CACNB4: variants seen among roughly 807,000 people sequenced by gnomAD.
CACNB4 encodes the protein voltage-dependent L-type calcium channel subunit beta-4.
In CACNB4, 32 loss-of-function variants were observed where a neutral mutation model predicts 71.2. The observed-to-expected ratio is 0.45, with a 90% CI of 0.34 to 0.60. CACNB4 has a LOEUF of 0.60. Ranked by LOEUF, CACNB4 falls within the 20% of genes least tolerant of loss-of-function variation. CACNB4 has a pLI of 0.01. For synonymous variants in CACNB4, 231 were observed against 236.9 expected (o/e 0.97, Z 0.23); for missense variants, 464 against 647.9 (o/e 0.72, Z 3.08).
chr2:152,076,478 C>T (rs1687033272), intron 2 of CACNB4, among the ~76,000 whole-genome samples: 1 of 151,880 alleles, frequency 6.6e-6, no homozygotes, highest in Non-Finnish European at 1.5e-5. Context: ...CATTTTTGTC[C>T]ATGCAAGAAG....
chr2:152,096,099 G>A (rs916644483), intron 2 of CACNB4, among the ~76,000 whole-genome samples: 1 of 152,140 alleles, frequency 6.6e-6, no homozygotes, highest in Non-Finnish European at 1.5e-5. Context: ...AAATCCCTCA[G>A]TTATTTTTAT....
intron 2 of CACNB4, among the ~76,000 whole-genome samples, chr2:151,902,457 A>G (rs554820803): frequency 2.0e-5 from 3 of 152,330 alleles, no homozygotes; most frequent in Admixed American, 6.5e-5. Flanking sequence ...TCCTCAAAAC[A>G]TGGAAGGCTG....
At position 151,855,427 on chromosome 2, in the gene CACNB4, T is replaced by C. The variant is rs947738628; in HGVS notation, c.869-52A>G. 1.4e-5 allele frequency: 19 copies of C among 1,345,148 alleles called. No individual in the cohort carries two copies. The Admixed American group carries it at 3.1e-4, about 22-fold the overall frequency. The allele number at this position is 1,345,148 out of a possible 1,614,324, so 83.3% of individuals were successfully genotyped here. A position where few individuals can be genotyped will look rare whatever the true frequency, so the allele number is the denominator to read the frequency against. On this transcript the variant is annotated intron_variant, in intron 10 of 13. Coordinates refer to ENST00000539935, the MANE Select transcript of CACNB4 (RefSeq NM_000726.5). ...CCGGTTATTGTTATGAATTAGTTCTTACATTAGAAAGATATAGTATATTTT... is the reference window on the plus strand; with the variant it reads ...CCGGTTATTGTTATGAATTAGTTCTCACATTAGAAAGATATAGTATATTTT...
chr2:152,040,183 G>C (rs960594501), intron 2 of CACNB4, among the ~76,000 whole-genome samples: 16 of 152,066 alleles, frequency 1.1e-4, no homozygotes, highest in Non-Finnish European at 1.5e-5. Context: ...CCATATACTA[G>C]TTAAAAAGTA....
chr2:151,890,505 C>T (rs1215876547), intron 2 of CACNB4, among the ~76,000 whole-genome samples: 1 of 152,186 alleles, frequency 6.6e-6, no homozygotes, highest in Non-Finnish European at 1.5e-5. Flanking sequence ...CAAGAACATC[C>T]TCACACACCA....
At chr2:151,942,542 T>G (rs2099864522) in intron 2 of CACNB4, among the ~76,000 whole-genome samples, 1 of 148,934 alleles carries the variant, frequency 6.7e-6, no homozygotes, top group Admixed American at 6.6e-5. Flanking sequence ...AAGACAACCA[T>G]AAGGTCTGAC....
chr2:151,896,448 C>CAGA (rs2099852088), intron 2 of CACNB4, among the ~76,000 whole-genome samples: 1 of 152,186 alleles, frequency 6.6e-6, no homozygotes, highest in African/African-American at 2.4e-5. Context: ...GCTTCCTCCA[C>CAGA]AGAAGAAGCT....
intron 2 of CACNB4, among the ~76,000 whole-genome samples, chr2:151,910,222 G>A (rs1287983680): frequency 6.6e-6 from 1 of 151,904 alleles, no homozygotes; most frequent in African/African-American, 2.4e-5. Context: ...ACTTTTTCGT[G>A]GGGTTTTTCT....
At chr2:151,995,422 A>C (rs1029187467) in intron 2 of CACNB4, among the ~76,000 whole-genome samples, 1 of 152,262 alleles carries the variant, frequency 6.6e-6, no homozygotes, top group Admixed American at 6.5e-5. Flanking sequence ...AATAGGCATT[A>C]GCCAAAAAAA....
At chr2:151,845,744 G>A (rs2099837403) in intron 12 of CACNB4, among the ~76,000 whole-genome samples, 1 of 152,176 alleles carries the variant, frequency 6.6e-6, no homozygotes, top group African/African-American at 2.4e-5. Context: ...TGTTTTCAAA[G>A]CATGGCCACA....
chr2:152,075,052 C>T (rs931580254), intron 2 of CACNB4, among the ~76,000 whole-genome samples: 4 of 152,176 alleles, frequency 2.6e-5, no homozygotes, highest in Non-Finnish European at 5.9e-5. Flanking sequence ...ATATTATGGC[C>T]ACCACCCTGC....
At chr2:152,037,368 T>C (rs1264453427) in intron 2 of CACNB4, among the ~76,000 whole-genome samples, 1 of 152,230 alleles carries the variant, frequency 6.6e-6, no homozygotes, top group East Asian at 1.9e-4. Flanking sequence ...AACTGAGTGA[T>C]TGCAAGAATA....
At chr2:152,056,456 C>T (rs1188601518) in intron 2 of CACNB4, among the ~76,000 whole-genome samples, 1 of 152,142 alleles carries the variant, frequency 6.6e-6, no homozygotes, top group Non-Finnish European at 1.5e-5. Flanking sequence ...ATGTTTCACA[C>T]ACTCAAGCCT....
chr2:152,062,985 TCAG>T (rs1417109885), intron 2 of CACNB4, among the ~76,000 whole-genome samples: 4 of 152,182 alleles, frequency 2.6e-5, no homozygotes, highest in African/African-American at 9.7e-5. Context: ...CAGAGGAGGA[TCAG>T]CAGATGAGTC....
intron 2 of CACNB4, among the ~76,000 whole-genome samples, chr2:151,932,848 G>A (rs1044194310): frequency 6.7e-6 from 1 of 150,274 alleles, no homozygotes; most frequent in African/African-American, 2.5e-5. Flanking sequence ...AAAAAAAGGT[G>A]GGGGGTTGGG....
At chr2:152,030,020 A>T (rs1453219316) in intron 2 of CACNB4, among the ~76,000 whole-genome samples, 1 of 152,246 alleles carries the variant, frequency 6.6e-6, no homozygotes, top group Non-Finnish European at 1.5e-5. Context: ...CAAATTACAC[A>T]AACAGGTGCA....
chr2:152,014,108 C>T (rs956528271), intron 2 of CACNB4, among the ~76,000 whole-genome samples: 3 of 152,126 alleles, frequency 2.0e-5, no homozygotes, highest in Admixed American at 6.6e-5. Context: ...TTTGGGAGAC[C>T]GAGGCAGGAG....
chr2:151,958,683 G>A (rs1441074003), intron 2 of CACNB4, among the ~76,000 whole-genome samples: 1 of 152,056 alleles, frequency 6.6e-6, no homozygotes, highest in Admixed American at 6.6e-5. Flanking sequence ...CACTACTGCT[G>A]CCCTAGTTCA....
intron 2 of CACNB4, among the ~76,000 whole-genome samples, chr2:152,010,373 C>T (rs146335465): frequency 2.0e-5 from 3 of 152,254 alleles, no homozygotes; most frequent in East Asian, 1.9e-4. Flanking sequence ...ACGGGTTTAA[C>T]GTGGAAGGCT....
Sources: allele counts gnomAD v4.1 joint callset (sites outside exome capture counted in the v4.1 genomes callset), GRCh38; gene constraint gnomAD v4.1.1; transcripts MANE v1.5; gene names NCBI Gene and HGNC (gene_info 2026-07-23, HGNC 2026-07-21).